Variants in JPH2 observed in about 807,000 individuals in gnomAD.
JPH2 encodes the protein junctophilin-2.
In JPH2, 38 loss-of-function variants were observed where a neutral mutation model predicts 55.9. The ratio of observed to expected loss-of-function variants is 0.68; its 90% confidence interval spans 0.52 to 0.89. The LOEUF (loss-of-function observed/expected upper bound fraction) is 0.89. JPH2 is among the 40% of genes least tolerant of loss of function. JPH2 has a pLI of 0.00. For missense variants in JPH2, 964 were observed against 1,037.6 expected (o/e 0.93, Z 0.97); for synonymous variants, 480 against 472.4 (o/e 1.02, Z -0.21).
At chr20:44,184,776 C>A (rs2072818084) in intron 1 of JPH2, among the ~76,000 whole-genome samples, 1 of 152,186 alleles carries the variant, frequency 6.6e-6, no homozygotes, top group Admixed American at 6.5e-5. Context: ...GCCCCATGCC[C>A]ACCCTCACAA....
At chr20:44,115,371 TCCAGCTGCTCAGGCTC>T (rs934559243) in intron 4 of JPH2, among the ~76,000 whole-genome samples, 5 of 152,050 alleles carry the variant, frequency 3.3e-5, no homozygotes, top group African/African-American at 1.2e-4. Flanking sequence ...GGACCCACCC[TCCAGCTGCTCAGGCTC>T]CCAGCTGCCC....
At chr20:44,130,975 A>G (rs2072313887) in intron 2 of JPH2, among the ~76,000 whole-genome samples, 2 of 152,172 alleles carry the variant, frequency 1.3e-5, no homozygotes, top group South Asian at 4.1e-4. Context: ...CTGACTTACT[A>G]GCTTTCACCT....
chr20:44,180,338 T>TA (rs1292071012), intron 1 of JPH2, among the ~76,000 whole-genome samples: 31 of 149,936 alleles, frequency 2.1e-4, no homozygotes, highest in African/African-American at 7.4e-4. Flanking sequence ...TATATTTATT[T>TA]TATTTTTTTT....
At chr20:44,146,184 C>G (rs935686875) in intron 2 of JPH2, among the ~76,000 whole-genome samples, 6 of 152,070 alleles carry the variant, frequency 3.9e-5, no homozygotes, top group Non-Finnish European at 8.8e-5. Flanking sequence ...CAGGCGCCCA[C>G]TGCCACGCCC....
intron 1 of JPH2, among the ~76,000 whole-genome samples, chr20:44,162,883 G>A (rs1339799078): frequency 2.0e-5 from 3 of 146,510 alleles, no homozygotes; most frequent in Non-Finnish European, 4.5e-5. Context: ...GTTTAAAACT[G>A]CAATCTGCTT....
chr20:44,183,609 AC>A (rs1354422239), intron 1 of JPH2, among the ~76,000 whole-genome samples: 2 of 152,148 alleles, frequency 1.3e-5, no homozygotes, highest in African/African-American at 4.8e-5. Flanking sequence ...TGCCCCAGCT[AC>A]CCTGATCCCA....
chr20:44,173,138 C>T (rs1349368073), intron 1 of JPH2, among the ~76,000 whole-genome samples: 1 of 152,068 alleles, frequency 6.6e-6, no homozygotes. Flanking sequence ...GAAACTAACC[C>T]CCTCTTTACT....
In JPH2 at chr20:44,111,265, G is replaced by A. The variant is rs6031392; in HGVS notation, c.*2253C>T. ...GTAGCAGAGCTAACAGCACCATAGCGTGATAACAACACTCGTCTCCATTTC... is the reference window on the plus strand; with the variant it reads ...GTAGCAGAGCTAACAGCACCATAGCATGATAACAACACTCGTCTCCATTTC... On this transcript the variant is annotated 3_prime_UTR_variant, in exon 6 of 6. Coordinates refer to ENST00000372980, the MANE Select transcript of JPH2 (RefSeq NM_020433.5). Among the ~76,000 whole-genome samples, 64,325 of 151,984 alleles carry A rather than the reference G, an allele frequency of 0.42. 14,021 individuals are homozygous for A. Among genetic ancestry groups the A allele is most frequent in the African/African-American group, 0.53 (22,003 of 41,452 alleles).
chr20:44,150,510 G>A (rs962152808), intron 2 of JPH2, among the ~76,000 whole-genome samples: 3 of 152,094 alleles, frequency 2.0e-5, no homozygotes, highest in African/African-American at 4.8e-5. Flanking sequence ...TTTTTCCCCT[G>A]CAGAAATTGA....
intron 1 of JPH2, among the ~76,000 whole-genome samples, chr20:44,168,874 C>T (rs1270512409): frequency 6.6e-6 from 1 of 152,176 alleles, no homozygotes; most frequent in Non-Finnish European, 1.5e-5. Flanking sequence ...GTGTTTGGGT[C>T]ATGGGGGCAG....
chr20:44,165,197 G>A (rs2145883926), intron 1 of JPH2, among the ~76,000 whole-genome samples: 1 of 151,582 alleles, frequency 6.6e-6, no homozygotes, highest in Non-Finnish European at 1.5e-5. Context: ...TGTCACACCT[G>A]TACATTTCAA....
intron 5 of JPH2, among the ~76,000 whole-genome samples, chr20:44,114,364 G>A (rs529748268): frequency 5.3e-5 from 8 of 152,222 alleles, no homozygotes; most frequent in East Asian, 1.9e-4. Context: ...GTGTTTGAAC[G>A]GTAAGACTTT....
chr20:44,184,493 A>G (rs767578118), intron 1 of JPH2, among the ~76,000 whole-genome samples: 10 of 152,178 alleles, frequency 6.6e-5, no homozygotes, highest in African/African-American at 2.2e-4. Context: ...TGGGTGGGCC[A>G]CTGAATTTGC....
intron 2 of JPH2, among the ~76,000 whole-genome samples, chr20:44,150,569 C>T (rs1287252819): frequency 6.6e-6 from 1 of 152,100 alleles, no homozygotes; most frequent in Non-Finnish European, 1.5e-5. Context: ...TCAAAATATC[C>T]AAGATAATCT....
chr20:44,124,026 G>C (rs779405936), intron 2 of JPH2, among the ~76,000 whole-genome samples: 7 of 152,192 alleles, frequency 4.6e-5, no homozygotes, highest in Non-Finnish European at 7.3e-5. Flanking sequence ...GGATGGCTCT[G>C]ACCCTGCTTG....
intron 2 of JPH2, among the ~76,000 whole-genome samples, chr20:44,153,432 ACTACATAGGTTC>A (rs2072544644): frequency 6.6e-6 from 1 of 152,174 alleles, no homozygotes; most frequent in Non-Finnish European, 1.5e-5. Context: ...CTGCCCATGG[ACTACATAGGTTC>A]CTGCTCACCA....
At chr20:44,171,394 C>T (rs1157704449) in intron 1 of JPH2, among the ~76,000 whole-genome samples, 1 of 152,178 alleles carries the variant, frequency 6.6e-6, no homozygotes, top group Non-Finnish European at 1.5e-5. Context: ...AATACCCAGC[C>T]AGGATCTGTC....
intron 1 of JPH2, among the ~76,000 whole-genome samples, chr20:44,171,271 C>T (rs1376234451): frequency 6.6e-6 from 1 of 152,132 alleles, no homozygotes; most frequent in Non-Finnish European, 1.5e-5. Flanking sequence ...TTCAACTGAT[C>T]CCAGGGGGAT....
intron 1 of JPH2, chr20:44,176,819 T>A (rs927514460): frequency 4.6e-5 from 44 of 958,800 alleles, no homozygotes; most frequent in African/African-American, 5.3e-5. Context: ...AAAAAAGGTA[T>A]CCATAAAGGA....
Sources: gnomAD v4.1 joint callset for allele counts (sites outside exome capture counted in the v4.1 genomes callset) on GRCh38, gnomAD v4.1.1 for gene constraint, MANE v1.5 for transcripts, NCBI Gene and HGNC (gene_info 2026-07-23, HGNC 2026-07-21) for gene names.